The following NR2C2 variants were observed in gnomAD, a reference collection of about 807,000 sequenced individuals.
NR2C2 encodes nuclear receptor subfamily 2 group C member 2, also known as Nuclear hormone receptor TR4.
A neutral mutation model predicts 62.9 loss-of-function variants in NR2C2; 6 were observed. The ratio of observed to expected loss-of-function variants is 0.10; its 90% CI spans 0.05 to 0.19. The LOEUF (loss-of-function observed/expected upper bound fraction) is 0.19, where lower values mean the gene tolerates loss of function less well. Among genes scored for constraint, NR2C2 ranks in the 10% least tolerant of loss-of-function variants. The pLI is 1.00. For synonymous variants in NR2C2, 272 were observed against 273.8 expected (o/e 0.99, Z 0.07); for missense variants, 479 against 762.7 (o/e 0.63, Z 4.38).
At chr3:15,038,160 A>C in intron 12 of NR2C2, 23 bp downstream of exon 12, 1 of 1,596,960 alleles carries the variant, frequency 6.3e-7, no homozygotes, top group Admixed American at 1.7e-5. Context: ...GTGGGGATGC[A>C]TGACCCCTTT....
chr3:14,986,137 G>A (rs1203725184), intron 1 of NR2C2, among the ~76,000 whole-genome samples: 1 of 151,788 alleles, frequency 6.6e-6, no homozygotes, highest in Non-Finnish European at 1.5e-5. Flanking sequence ...CCCTTTTACT[G>A]TACCAAGGTG....
chr3:15,039,078 T>A (rs777382137), intron 12 of NR2C2, 44 bp from the exon 13 acceptor site: 6 of 1,431,074 alleles, frequency 4.2e-6, no homozygotes. Context: ...GTGAGACTTT[T>A]CAAATACAGA....
intron 10 of NR2C2, 61 bp downstream of exon 10, chr3:15,032,561 AC>A (rs2042007230): frequency 6.2e-7 from 1 of 1,601,496 alleles, no homozygotes; most frequent in Admixed American, 1.7e-5. Flanking sequence ...CCTAGGAATG[AC>A]CTGGAAGAAC....
At chr3:14,962,606 C>G (rs867308737) in intron 1 of NR2C2, 1 of 151,110 alleles carries the variant, frequency 6.6e-6, no homozygotes, top group Non-Finnish European at 1.5e-5. Flanking sequence ...GTGATACGTC[C>G]TAGGGTGCTG....
intron 2 of NR2C2, among the ~76,000 whole-genome samples, chr3:15,005,956 A>G (rs2124943700): frequency 6.6e-6 from 1 of 152,282 alleles, no homozygotes; most frequent in South Asian, 2.1e-4. Flanking sequence ...TTGTAATCCC[A>G]GCACTTAGGG....
chr3:15,007,931 C>T (rs1461228745), intron 2 of NR2C2, among the ~76,000 whole-genome samples: 4 of 152,156 alleles, frequency 2.6e-5, no homozygotes, highest in African/African-American at 9.7e-5. Flanking sequence ...CAAGTTGACA[C>T]AGCTGGGAAG....
chr3:14,963,315 A>C (rs2039741206), intron 1 of NR2C2, among the ~76,000 whole-genome samples: 1 of 152,076 alleles, frequency 6.6e-6, no homozygotes. Context: ...TTTAGTAGGT[A>C]AGGAAACCAA....
chr3:14,990,599 A>ACCAAATGCCTGTGAGTTC (rs1286916126), intron 1 of NR2C2, among the ~76,000 whole-genome samples: 17 of 151,992 alleles, frequency 1.1e-4, no homozygotes, highest in Middle Eastern at 3.4e-3. Flanking sequence ...CCCTCAACCA[A>ACCAAATGCCTGTGAGTTC]CCTCTGGCCT....
chr3:15,042,815 A>G lies in NR2C2; in HGVS notation c.1617-19A>G. On this transcript the variant is annotated intron_variant, in intron 13 of 13. Transcript: ENST00000425241. ...GGGCATCAAACAGTCTCCTTTTCTA[A>G]TGACACTCCCTTTTATAGATTGGCC... The G allele has an allele frequency of 6.2e-7, 1 of 1,609,820 alleles. No homozygotes were observed. The highest frequency in any genetic ancestry group is 1.1e-5 in the South Asian group (1 of 90,326).
At chr3:14,971,678 C>T (rs895529798) in intron 1 of NR2C2, among the ~76,000 whole-genome samples, 1 of 151,644 alleles carries the variant, frequency 6.6e-6, no homozygotes, top group African/African-American at 2.4e-5. Flanking sequence ...ATAAAAGCTA[C>T]CCTAATGGAT....
chr3:15,016,100 C>A (rs567383160), intron 3 of NR2C2, 52 bp from the exon 4 acceptor site: 131 of 1,393,698 alleles, frequency 9.4e-5, no homozygotes, highest in Non-Finnish European at 1.3e-4. Flanking sequence ...CCGTGCCCGG[C>A]AGTGATTTGA....
intron 1 of NR2C2, among the ~76,000 whole-genome samples, chr3:14,973,404 A>G (rs2040107428): frequency 6.6e-6 from 1 of 152,014 alleles, no homozygotes; most frequent in Non-Finnish European, 1.5e-5. Flanking sequence ...ATTTAAAAAA[A>G]AAAATTTTTT....
chr3:14,950,110 CATT>C lies in NR2C2; in HGVS notation c.-40+2207_-40+2209del, dbSNP rs544600444. Among the ~76,000 whole-genome samples the C allele has an allele frequency of 3.2e-3, 488 of 152,204 alleles. 2 individuals are homozygous for C. The highest frequency in any genetic ancestry group is 0.01 in the African/African-American group (418 of 41,518). ...ACTGTGTAAATAGAGTTATTGTTGT[CATT>C]ATGAACTACTGGTATAGACATTGGA... On this transcript the variant is annotated intron_variant, in intron 1 of 13. Coordinates refer to ENST00000425241, the MANE Select transcript of NR2C2 (RefSeq NM_001291694.2).
At chr3:15,031,853 G>A (rs372367930) in intron 9 of NR2C2, among the ~76,000 whole-genome samples, 10 of 151,598 alleles carry the variant, frequency 6.6e-5, no homozygotes, top group South Asian at 2.1e-4. Flanking sequence ...CTCAGCCTCC[G>A]AAGTAGCTGG....
At chr3:14,992,441 A>G (rs1434276136) in intron 1 of NR2C2, among the ~76,000 whole-genome samples, 2 of 152,204 alleles carry the variant, frequency 1.3e-5, no homozygotes, top group Non-Finnish European at 2.9e-5. Flanking sequence ...CCCAGGATCA[A>G]AGGCTTAAGA....
At chr3:14,975,856 A>G (rs1184158124) in intron 1 of NR2C2, among the ~76,000 whole-genome samples, 1 of 152,020 alleles carries the variant, frequency 6.6e-6, no homozygotes. Flanking sequence ...CCTTTTTTGG[A>G]AAGTTTTTGA....
intron 1 of NR2C2, among the ~76,000 whole-genome samples, chr3:14,967,216 T>C (rs1245236260): frequency 6.6e-6 from 1 of 152,056 alleles, no homozygotes; most frequent in African/African-American, 2.4e-5. Context: ...CCTCTTTCAT[T>C]TGTGATTCTA....
chr3:14,963,934 G>C (rs2039763110), intron 1 of NR2C2, among the ~76,000 whole-genome samples: 1 of 151,820 alleles, frequency 6.6e-6, no homozygotes, highest in Non-Finnish European at 1.5e-5. Context: ...TCCCCACCCA[G>C]CAAATAATGG....
intron 8 of NR2C2, among the ~76,000 whole-genome samples, chr3:15,029,134 G>A (rs2041901664): frequency 6.8e-6 from 1 of 146,622 alleles, no homozygotes; most frequent in Non-Finnish European, 1.5e-5. Context: ...TAATAGAGAT[G>A]GAGTCTCACC....
Sources: allele counts gnomAD v4.1 joint callset (sites outside exome capture counted in the v4.1 genomes callset), GRCh38; gene constraint gnomAD v4.1.1; transcripts MANE v1.5; gene names NCBI Gene and HGNC (gene_info 2026-07-23, HGNC 2026-07-21).